PSEN1: variants seen among roughly 807,000 people sequenced by gnomAD.
PSEN1 encodes presenilin 1, also known as presenilin-1.
PSEN1 carries 15 observed loss-of-function variants against 53.5 expected under a neutral mutation model. That is an observed-to-expected ratio of 0.28 (90% CI 0.19 to 0.43). PSEN1 has a LOEUF of 0.43. Among genes scored for constraint, PSEN1 ranks in the 20% least tolerant of loss-of-function variants. PSEN1 has a pLI of 1.00. For synonymous variants in PSEN1, 208 were observed against 209.8 expected (o/e 0.99, Z 0.08); for missense variants, 387 against 571.2 (o/e 0.68, Z 3.29).
chr14:73,185,555 G>C (rs1898473982), intron 5 of PSEN1, among the ~76,000 whole-genome samples: 1 of 152,200 alleles, frequency 6.6e-6, no homozygotes, highest in South Asian at 2.1e-4. Context: ...GTACAGTCCA[G>C]CTTCGGCTCA....
intron 6 of PSEN1, among the ~76,000 whole-genome samples, chr14:73,187,624 C>T (rs1247002715): frequency 6.6e-6 from 1 of 152,044 alleles, no homozygotes; most frequent in Non-Finnish European, 1.5e-5. Flanking sequence ...AATATCTAAA[C>T]AGAGTAAAGA....
rs2140151501 is a variant in PSEN1 at position 73,219,968 on chromosome 14, A to T, written c.*679A>T. ...GCACTGACACTCATTACCGTCTGTG[A>T]TTGCCATTTCTTCCCAAGGCCAGTC... is the stretch of plus-strand genomic sequence containing the variant. On this transcript the variant is annotated 3_prime_UTR_variant, in exon 12 of 12. Transcript: ENST00000324501. 1 of 152,584 alleles carries T rather than the reference A, an allele frequency of 6.6e-6. No individual in the cohort carries two copies. The highest frequency in any genetic ancestry group is 1.5e-5 in the Non-Finnish European group (1 of 68,252). 9.5% of individuals were successfully genotyped at this position (152,584 alleles called of 1,614,324 possible).
intron 7 of PSEN1, among the ~76,000 whole-genome samples, chr14:73,193,537 G>A (rs1261313679): frequency 2.1e-4 from 25 of 121,474 alleles, no homozygotes; most frequent in Admixed American, 1.4e-3. Context: ...GTGACAGAGC[G>A]AGACTCTGTC....
intron 5 of PSEN1, among the ~76,000 whole-genome samples, chr14:73,183,979 C>A (rs1321589798): frequency 0.025 from 3,328 of 132,042 alleles, 185 homozygotes; most frequent in African/African-American, 0.1. Flanking sequence ...CAGAGGGGCT[C>A]CTCACTTCCC....
intron 9 of PSEN1, among the ~76,000 whole-genome samples, chr14:73,209,136 C>T (rs1328590635): frequency 6.6e-6 from 1 of 152,238 alleles, no homozygotes; most frequent in Non-Finnish European, 1.5e-5. Flanking sequence ...CACAGGGATG[C>T]CCAGGTCTAC....
At chr14:73,189,743 T>A in intron 6 of PSEN1, 1 of 165,926 alleles carries the variant, frequency 6.0e-6, no homozygotes, top group South Asian at 1.3e-4. Flanking sequence ...ACAAGAATTG[T>A]GCAAGCCCTG....
rs1899830916 is a variant in PSEN1, at chr14:73,214,514, G to A, written c.1129+2572G>A. Among the ~76,000 whole-genome samples, 4 of 139,190 alleles carry A rather than the reference G, an allele frequency of 2.9e-5. No individual in the cohort carries two copies. The Admixed American group carries it at 3.0e-4, about 10-fold the overall frequency. The allele number at this position is 139,190 out of a possible 152,430, so 91.3% of individuals were successfully genotyped here. A position where few individuals can be genotyped will look rare whatever the true frequency, so the allele number is the denominator to read the frequency against. On this transcript the variant is annotated intron_variant, in intron 10 of 11. Transcript: ENST00000324501. The stretch of plus-strand genomic sequence containing the variant: ...CATTGCACTCCAGCCTGGGCAACAA[G>A]AGCGAAACTCCATCTCAAAAAAAAA...
intron 5 of PSEN1, among the ~76,000 whole-genome samples, chr14:73,181,151 T>C (rs760627634): frequency 6.6e-6 from 1 of 152,138 alleles, no homozygotes; most frequent in Non-Finnish European, 1.5e-5. Flanking sequence ...TTAAAAATCA[T>C]AGTTTCAGCT....
At chr14:73,202,498 A>C (rs184859844) in intron 8 of PSEN1, among the ~76,000 whole-genome samples, 4,223 of 48,336 alleles carry the variant, frequency 0.087, 169 homozygotes, top group Non-Finnish European at 0.12. Flanking sequence ...TTTTTGAGAC[A>C]GTCTTGCTCT....
chr14:73,217,795 AT>A (rs746495189), intron 11 of PSEN1, among the ~76,000 whole-genome samples: 164 of 126,280 alleles, frequency 1.3e-3, no homozygotes, highest in Admixed American at 2.2e-3. Context: ...CAAAACTATG[AT>A]TTTTTTTTTT....
chr14:73,152,266 T>G (rs781076758), intron 3 of PSEN1, among the ~76,000 whole-genome samples: 33 of 151,228 alleles, frequency 2.2e-4, no homozygotes, highest in Non-Finnish European at 4.0e-4. Context: ...GCATTCGAGG[T>G]TTTCTGTGAT....
intron 1 of PSEN1, among the ~76,000 whole-genome samples, chr14:73,141,206 G>A (rs896340754): frequency 4.6e-5 from 7 of 152,136 alleles, no homozygotes; most frequent in African/African-American, 4.8e-5. Context: ...AACATCACTG[G>A]AGAGAGGTGT....
intron 9 of PSEN1, among the ~76,000 whole-genome samples, chr14:73,208,410 G>A (rs2140128866): frequency 6.6e-6 from 1 of 151,974 alleles, no homozygotes; most frequent in Non-Finnish European, 1.5e-5. Flanking sequence ...CATTGTCTCT[G>A]CAGCTCTCAG....
At position 73,148,064 on chromosome 14, in the gene PSEN1, G is replaced by C. The variant is rs1330528266; in HGVS notation, c.45G>C (p.Gln15His). 6.2e-7 allele frequency: 1 copy of C among 1,614,082 alleles called. No homozygotes were observed. ...PAPLSYFQNA[Q>H]MSEDNHLSNT... is the part of the protein sequence containing the mutation. ...CGTTGTCCTACTTCCAGAATGCACA[G>C]ATGTCTGAGGACAACCACCTGAGCA... is the stretch of plus-strand genomic sequence containing the variant. The change falls in exon 3 of 12, where the codon CAG becomes CAC. Residue 15 changes from glutamine to histidine, a missense_variant. By Grantham distance (24) the Gln-to-His change is conservative. Around this residue, in one of 4 missense-constraint regions of PSEN1, gnomAD observed 99 missense variants for 101.5 expected, o/e 0.98. Transcript: ENST00000324501.
At chr14:73,161,036 G>A (rs1594982678) in intron 3 of PSEN1, among the ~76,000 whole-genome samples, 1 of 139,790 alleles carries the variant, frequency 7.2e-6, no homozygotes, top group South Asian at 2.4e-4. Context: ...AAGTAGTGAT[G>A]TAATCTGGGC....
intron 8 of PSEN1, among the ~76,000 whole-genome samples, chr14:73,204,263 G>C (rs1899356582): frequency 6.7e-6 from 1 of 149,658 alleles, no homozygotes; most frequent in African/African-American, 2.5e-5. Flanking sequence ...CTCCCAAAGT[G>C]CTGGGATTAC....
At chr14:73,217,025 C>G in intron 10 of PSEN1, 101 bp from the exon 11 acceptor site, 1 of 1,272,904 alleles carries the variant, frequency 7.9e-7, no homozygotes, top group Middle Eastern at 1.9e-4. Context: ...ACTGACTTCT[C>G]TCATTCATTG....
At position 73,211,815 on chromosome 14, in the gene PSEN1, C is replaced by G; in HGVS notation, c.1002C>G (p.Gly334=). ...ACACTGTTGCAGAGAATGATGATGG[C>G]GGGTTCAGTGAGGAATGGGAAGCCC... ...SQDTVAENDD[G]GFSEEWEAQR... The change falls in exon 10 of 12, where the codon GGC becomes GGG. Residue 334 remains glycine, a synonymous_variant. Coordinates refer to ENST00000324501, the MANE Select transcript of PSEN1 (RefSeq NM_000021.4). 6.2e-7 allele frequency: 1 copy of G among 1,613,944 alleles called. No individual in the cohort carries two copies. The highest frequency in any genetic ancestry group is 8.5e-7 in the Non-Finnish European group (1 of 1,179,980).
At chr14:73,217,931 G>A (rs1161727448) in intron 11 of PSEN1, among the ~76,000 whole-genome samples, 2 of 151,310 alleles carry the variant, frequency 1.3e-5, no homozygotes, top group Non-Finnish European at 2.9e-5. Context: ...GGGATTACAG[G>A]TGCCTGCCAC....
Sources: allele counts gnomAD v4.1 joint callset (sites outside exome capture counted in the v4.1 genomes callset), GRCh38; gene constraint gnomAD v4.1.1; regional missense constraint gnomAD v4.1.1; transcripts MANE v1.5; gene names NCBI Gene and HGNC (gene_info 2026-07-23, HGNC 2026-07-21).